Variants in AXIN1 observed in about 807,000 individuals in gnomAD.
AXIN1 encodes axin 1, also known as axin-1.
In AXIN1, 30 loss-of-function variants were observed where a neutral mutation model predicts 76.4. The observed-to-expected ratio is 0.39, with a 90% confidence interval of 0.29 to 0.53. The LOEUF is 0.53. Among genes scored for constraint, AXIN1 ranks in the 20% least tolerant of loss-of-function variants. The probability of loss-of-function intolerance (pLI) is 0.66; values close to 1 mark genes in which losing one functional copy is unlikely to be tolerated. For synonymous variants in AXIN1, 545 were observed against 501.4 expected (o/e 1.09, Z -1.16); for missense variants, 1,140 against 1,198.8 (o/e 0.95, Z 0.72).
intron 7 of AXIN1, among the ~76,000 whole-genome samples, chr16:296,524 G>A (rs1290966177): frequency 9.2e-5 from 14 of 152,314 alleles, no homozygotes; most frequent in South Asian, 2.1e-4. Context: ...AGACCGGCCC[G>A]GCGGGCAGCG....
chr16:295,242 T>C (rs2052679727), intron 7 of AXIN1, among the ~76,000 whole-genome samples: 1 of 151,440 alleles, frequency 6.6e-6, no homozygotes, highest in Non-Finnish European at 1.5e-5. Context: ...GTAGCTGGGA[T>C]TACTGGCACT....
At chr16:337,985 G>T (rs554385635) in intron 2 of AXIN1, among the ~76,000 whole-genome samples, 1 of 152,164 alleles carries the variant, frequency 6.6e-6, no homozygotes, top group Non-Finnish European at 1.5e-5. Context: ...AACCCTGAGT[G>T]GTTATTCTCA....
rs1187305370 is a variant in AXIN1, at chr16:298,241, C to T, written c.1265G>A (p.Gly422Asp). 3 of 1,539,082 alleles carry T rather than the reference C, an allele frequency of 1.9e-6. No individual in the cohort carries two copies. The East Asian group carries it at 7.3e-5, about 38-fold the overall frequency. Residue 422 changes from glycine (G) to aspartate (D), a missense_variant, in exon 6 of 11, where the codon GGT becomes GAT. Transcript: ENST00000262320. ...RLKRVRMEEE[G>D]EDGDPSSGPP... Reference sequence around the variant, plus strand: ...CCCTGACGATGGATCGCCGTCCTCACCTTCCTCCTCCTGTGTGGGGACAAG... The same window carrying T: ...CCCTGACGATGGATCGCCGTCCTCATCTTCCTCCTCCTGTGTGGGGACAAG...
intron 2 of AXIN1, among the ~76,000 whole-genome samples, chr16:324,588 G>A (rs750018125): frequency 5.3e-5 from 8 of 152,196 alleles, no homozygotes; most frequent in Non-Finnish European, 1.0e-4. Flanking sequence ...GTCAGTAGGC[G>A]CTTCCAGTGT....
chr16:340,606 C>T (rs944321249), intron 2 of AXIN1, among the ~76,000 whole-genome samples: 20 of 152,214 alleles, frequency 1.3e-4, no homozygotes, highest in African/African-American at 3.9e-4. Flanking sequence ...TGATCCACAC[C>T]GCTGAAATGA....
At chr16:295,333 C>A (rs2052682807) in intron 7 of AXIN1, among the ~76,000 whole-genome samples, 1 of 151,858 alleles carries the variant, frequency 6.6e-6, no homozygotes, top group Admixed American at 6.6e-5. Context: ...TGGTCTCGAA[C>A]TCCGGACCTC....
At chr16:299,217 A>C (rs2052801563) in intron 5 of AXIN1, 1 of 985,306 alleles carries the variant, frequency 1.0e-6, no homozygotes, top group Non-Finnish European at 1.2e-6. Context: ...GTCAGAGCAA[A>C]CATTTGATCA....
chr16:314,411 A>G (rs1372162514), intron 3 of AXIN1, 132 bp downstream of exon 3: 1 of 1,408,426 alleles, frequency 7.1e-7, no homozygotes, highest in Non-Finnish European at 9.8e-7. Context: ...TGGGACTTAC[A>G]CGCTGCCATC....
At chr16:347,688 C>T (rs991679315) in intron 1 of AXIN1, among the ~76,000 whole-genome samples, 1 of 152,198 alleles carries the variant, frequency 6.6e-6, no homozygotes, top group African/African-American at 2.4e-5. Flanking sequence ...GTACACCTTC[C>T]GACACATGAG....
rs552915523 is a variant in AXIN1, at chr16:288,774, T to C, written c.2463-526A>G. Among the ~76,000 whole-genome samples the C allele has an allele frequency of 2.2e-4, 34 of 152,290 alleles. No individual in the cohort carries two copies. The South Asian group carries it at 6.8e-3, about 31-fold the overall frequency. ...GCACGCAGGGCCCTGCAGGGCTGAG[T>C]GGCCCAGGGCGAATGAACCTTGGTA... On this transcript the variant is annotated intron_variant, in intron 10 of 10. Transcript: ENST00000262320.
intron 2 of AXIN1, among the ~76,000 whole-genome samples, chr16:339,271 A>C (rs2053866801): frequency 6.8e-6 from 1 of 146,026 alleles, no homozygotes; most frequent in East Asian, 2.1e-4. Flanking sequence ...TGGGAGGCTG[A>C]GGTAGGCGGA....
chr16:335,605 C>T lies in AXIN1; in HGVS notation c.878+10543G>A, dbSNP rs2053787771. On this transcript the variant is annotated intron_variant, in intron 2 of 10. Coordinates refer to ENST00000262320, the MANE Select transcript of AXIN1 (RefSeq NM_003502.4). ...AGTACCATGGCACCCAATAACACAACACCCAGTACCATGGCACCCAATAAC... is the reference window on the plus strand; with the variant it reads ...AGTACCATGGCACCCAATAACACAATACCCAGTACCATGGCACCCAATAAC... 3.3e-5 allele frequency among the ~76,000 whole-genome samples: 5 copies of T among 152,156 alleles called. No homozygotes were observed. In the South Asian group the frequency reaches 1.0e-3, roughly 32 times the overall value.
At chr16:296,133 C>T (rs1034056456) in intron 7 of AXIN1, among the ~76,000 whole-genome samples, 2 of 152,164 alleles carry the variant, frequency 1.3e-5, no homozygotes, top group African/African-American at 4.8e-5. Context: ...CTGTGCACCC[C>T]TGTTCCCTCG....
chr16:329,664 A>G (rs1431180462), intron 2 of AXIN1, among the ~76,000 whole-genome samples: 1 of 149,942 alleles, frequency 6.7e-6, no homozygotes, highest in Non-Finnish European at 1.5e-5. Flanking sequence ...CGCCCAGGCT[A>G]GAGTGCTGGA....
chr16:296,360 T>G (rs185846858), intron 7 of AXIN1, among the ~76,000 whole-genome samples: 1 of 152,318 alleles, frequency 6.6e-6, no homozygotes, highest in Admixed American at 6.5e-5. Context: ...CTGAGGAAGC[T>G]GGGGCCATCC....
chr16:320,723 G>GTATATATATATA (rs754089481), intron 2 of AXIN1, among the ~76,000 whole-genome samples: 2 of 120,140 alleles, frequency 1.7e-5, no homozygotes, highest in East Asian at 2.1e-4. Flanking sequence ...GCGTGTGTGT[G>GTATATATATATA]TATATATATA....
Position 287,783 on chromosome 16 carries a change from G to A in AXIN1, c.*339C>T, listed in dbSNP as rs1276060042. ...TGGGTACGTGGGCAAATCCCAGAGG[G>A]AAAGTAGATCCCAGCACACGTGCCC... On this transcript the variant is annotated 3_prime_UTR_variant, in exon 11 of 11. Coordinates refer to ENST00000262320, the MANE Select transcript of AXIN1 (RefSeq NM_003502.4). 2.2e-6 allele frequency: 1 copy of A among 453,580 alleles called. No individual in the cohort carries two copies. The highest frequency in any genetic ancestry group is 4.1e-6 in the Non-Finnish European group (1 of 243,538). The allele number at this position is 453,580 out of a possible 1,614,324, so 28.1% of individuals were successfully genotyped here. A position where few individuals can be genotyped will look rare whatever the true frequency, so the allele number is the denominator to read the frequency against.
At chr16:325,914 T>C (rs1054918374) in intron 2 of AXIN1, among the ~76,000 whole-genome samples, 2 of 152,100 alleles carry the variant, frequency 1.3e-5, no homozygotes, top group African/African-American at 4.8e-5. Flanking sequence ...AAAATGCAGA[T>C]GCTGACCACA....
At chr16:325,269 T>A (rs1449897841) in intron 2 of AXIN1, among the ~76,000 whole-genome samples, 2 of 151,838 alleles carry the variant, frequency 1.3e-5, no homozygotes, top group Non-Finnish European at 2.9e-5. Context: ...TTTCTAGAAT[T>A]CTGTATAAAC....
Sources: gnomAD v4.1 joint callset for allele counts (sites outside exome capture counted in the v4.1 genomes callset) on GRCh38, gnomAD v4.1.1 for gene constraint, MANE v1.5 for transcripts, NCBI Gene and HGNC (gene_info 2026-07-23, HGNC 2026-07-21) for gene names.